Variants in MYCBP2 observed in about 807,000 individuals in gnomAD.
MYCBP2 encodes the protein E3 ubiquitin-protein ligase MYCBP2.
Under a neutral mutation model 525.3 loss-of-function variants are expected in MYCBP2, and 120 were observed. That is an observed-to-expected ratio of 0.23 (90% confidence interval 0.20 to 0.27). MYCBP2 has a LOEUF of 0.27. MYCBP2 is among the 10% of genes least tolerant of loss of function. MYCBP2 has a pLI of 1.00. For missense variants in MYCBP2, 4,149 were observed against 5,657.1 expected (o/e 0.73, Z 8.55); for synonymous variants, 1,894 against 1,955.8 (o/e 0.97, Z 0.83).
At position 77,121,511 on chromosome 13, in the gene MYCBP2, T is replaced by C. The variant is rs1224504429; in HGVS notation, c.8018-16A>G. The stretch of plus-strand genomic sequence containing the variant: ...AGAGCTTGTTCTACAATAAAAGCCA[T>C]AGCTGTAACATTAGTTTCTTACGTG... On this transcript the variant is annotated splice_polypyrimidine_tract_variant and intron_variant, in intron 54 of 82. Transcript: ENST00000544440. The C allele has an allele frequency of 2.6e-6, 4 of 1,548,918 alleles. No homozygotes were observed. Among genetic ancestry groups the C allele is most frequent in the Non-Finnish European group, 1.8e-6 (2 of 1,140,682 alleles).
intron 1 of MYCBP2, among the ~76,000 whole-genome samples, chr13:77,325,827 A>G (rs1259959624): frequency 6.6e-6 from 1 of 152,082 alleles, no homozygotes; most frequent in Admixed American, 6.5e-5. Context: ...AGCTCTAAAA[A>G]TCTCTATCAG....
intron 54 of MYCBP2, among the ~76,000 whole-genome samples, chr13:77,124,823 ATATTT>A (rs1425834688): frequency 6.6e-6 from 1 of 152,216 alleles, no homozygotes; most frequent in East Asian, 1.9e-4. Flanking sequence ...AAAAAGGAAT[ATATTT>A]TATTAAGTGA....
At chr13:77,179,495 G>C (rs900449377) in intron 34 of MYCBP2, among the ~76,000 whole-genome samples, 9 of 152,136 alleles carry the variant, frequency 5.9e-5, no homozygotes, top group Non-Finnish European at 8.8e-5. Flanking sequence ...CACTTTCAAA[G>C]TGATTTTCTC....
chr13:77,097,804 T>C lies in MYCBP2; in HGVS notation c.9350A>G (p.Lys3117Arg), dbSNP rs2046476075. 6.2e-7 allele frequency: 1 copy of C among 1,613,790 alleles called. No individual in the cohort carries two copies. The highest frequency in any genetic ancestry group is 8.5e-7 in the Non-Finnish European group (1 of 1,179,808). ...PDISKMGSIN[K>R]NKVLSMLKEP... The stretch of plus-strand genomic sequence containing the variant: ...CTTAAGCATAGACAATACCTTGTTT[T>C]TGTTGATGCTACCCATCTTAGATAT... The change falls in exon 56 of 83, where the codon AAA becomes AGA. Residue 3117 changes from lysine (K) to arginine (R), a missense_variant. Physicochemically the swap from Lys to Arg is conservative, Grantham distance 26 (BLOSUM62 2). Transcript: ENST00000544440.
intron 55 of MYCBP2, among the ~76,000 whole-genome samples, chr13:77,105,326 C>T (rs1484598028): frequency 6.6e-6 from 1 of 151,950 alleles, no homozygotes. Flanking sequence ...GGCAAAATGG[C>T]CTTCAAGTCT....
chr13:77,271,156 T>TA (rs1289908235), intron 5 of MYCBP2, among the ~76,000 whole-genome samples: 2 of 152,218 alleles, frequency 1.3e-5, no homozygotes, highest in African/African-American at 4.8e-5. Flanking sequence ...ACACATTCTA[T>TA]ATCAAATAAT....
intron 25 of MYCBP2, 21 bp downstream of exon 25, chr13:77,205,452 C>T (rs781726655): frequency 6.2e-7 from 1 of 1,612,000 alleles, no homozygotes; most frequent in Non-Finnish European, 8.5e-7. Context: ...GACAACATTT[C>T]CTAAACCGAA....
rs35429706 is a variant in MYCBP2, at chr13:77,243,965, CAAAAAA to C, written c.2382-20_2382-15del. 2 of 1,190,874 alleles carry C rather than the reference CAAAAAA, an allele frequency of 1.7e-6. No individual in the cohort carries two copies. Among genetic ancestry groups the C allele is most frequent in the Admixed American group, 4.3e-5 (1 of 23,002 alleles). 73.8% of individuals were successfully genotyped at this position (1,190,874 alleles called of 1,614,324 possible). A position where few individuals can be genotyped will look rare whatever the true frequency, so the allele number is the denominator to read the frequency against. On this transcript the variant is annotated splice_polypyrimidine_tract_variant and intron_variant, in intron 15 of 82. Transcript: ENST00000544440. ...CAACCACAGATCCTAGGGGGAAATA[CAAAAAA>C]AAAAAAAAAAGACAACTGAGATATT...
chr13:77,199,413 T>C (rs1242612827), intron 26 of MYCBP2, among the ~76,000 whole-genome samples: 1 of 152,212 alleles, frequency 6.6e-6, no homozygotes, highest in East Asian at 1.9e-4. Flanking sequence ...TCTCGCTGAT[T>C]GCTAGCACAG....
intron 23 of MYCBP2, among the ~76,000 whole-genome samples, chr13:77,209,261 A>G (rs574279639): frequency 6.6e-6 from 1 of 152,348 alleles, no homozygotes; most frequent in Admixed American, 6.5e-5. Context: ...GAGTTCTGTT[A>G]AGACCCCACG....
At chr13:77,289,497 G>A (rs2077246444) in intron 2 of MYCBP2, among the ~76,000 whole-genome samples, 1 of 151,560 alleles carries the variant, frequency 6.6e-6, no homozygotes. Context: ...CAAAAATCCA[G>A]TATCGATTCA....
rs1039252085 is a variant in MYCBP2, at chr13:77,273,579, C to T, written c.838G>A (p.Ala280Thr). 5 of 1,613,726 alleles carry T rather than the reference C, an allele frequency of 3.1e-6. No homozygotes were observed. The highest frequency in any genetic ancestry group is 4.2e-6 in the Non-Finnish European group (5 of 1,179,880). The change falls in exon 5 of 83, where the codon GCT (alanine) becomes ACT (threonine). Residue 280 changes from alanine to threonine, a missense_variant. Ala to Thr is a moderately conservative substitution (Grantham distance 58). Transcript: ENST00000544440. Reference protein sequence around the residue: ...TGQSLTALSCACLFSLVASWG... With the variant: ...TGQSLTALSCTCLFSLVASWG... ...GAAGCCACCAGACTAAAGAGGCAAG[C>T]ACAGGAAAGTGCTGTTAAGGACTGT...
At chr13:77,159,102 T>C (rs1478583501) in intron 44 of MYCBP2, among the ~76,000 whole-genome samples, 4 of 152,228 alleles carry the variant, frequency 2.6e-5, no homozygotes, top group African/African-American at 9.6e-5. Flanking sequence ...TTATACAGTT[T>C]CAAAAATAAT....
At chr13:77,294,131 C>CATATATATATATATATATATAGAT in intron 2 of MYCBP2, among the ~76,000 whole-genome samples, 1 of 65,692 alleles carries the variant, frequency 1.5e-5, no homozygotes, top group Non-Finnish European at 3.0e-5. Flanking sequence ...TATATATATA[C>CATATATATATATATATATATAGAT]ATATATATAT....
intron 48 of MYCBP2, 42 bp downstream of exon 48, chr13:77,146,120 A>T: frequency 1.5e-6 from 2 of 1,343,292 alleles, no homozygotes; most frequent in Non-Finnish European, 2.0e-6. Context: ...CAAGCAGCTG[A>T]CAACACATGT....
At position 77,155,549 on chromosome 13, in the gene MYCBP2, G is replaced by T. The variant is rs1051428722; in HGVS notation, c.6915+509C>A. Among the ~76,000 whole-genome samples the T allele has an allele frequency of 3.3e-5, 5 of 151,898 alleles. 1 individual carries two copies. The highest frequency in any genetic ancestry group is 9.7e-5 in the African/African-American group (4 of 41,346). On this transcript the variant is annotated intron_variant, in intron 46 of 82. Transcript: ENST00000544440. ...TTATTATTAATATTTCAGGTAAGAG[G>T]TATCCTAAAAACTCTATATTCATCA... is the stretch of plus-strand genomic sequence containing the variant.
At position 77,315,243 on chromosome 13, in the gene MYCBP2, A is replaced by T. The variant is rs546597793; in HGVS notation, c.302+11231T>A. 5.7e-4 allele frequency among the ~76,000 whole-genome samples: 87 copies of T among 152,324 alleles called. 1 individual carries two copies. The highest frequency in any genetic ancestry group is 2.1e-3 in the African/African-American group (87 of 41,580). ...AAGAAATAACAACAATCTTACGCAA[A>T]CATTTTAAAAATTGGGTAGGACTGG... is the stretch of plus-strand genomic sequence containing the variant. On this transcript the variant is annotated intron_variant, in intron 1 of 82. Transcript: ENST00000544440.
At chr13:77,052,965 C>CA (rs1328630830) in intron 80 of MYCBP2, among the ~76,000 whole-genome samples, 1 of 151,894 alleles carries the variant, frequency 6.6e-6, no homozygotes, top group Non-Finnish European at 1.5e-5. Context: ...CCATCTCTAT[C>CA]AAAAATACAA....
At chr13:77,117,204 G>C (rs1282894504) in intron 55 of MYCBP2, among the ~76,000 whole-genome samples, 1 of 151,830 alleles carries the variant, frequency 6.6e-6, no homozygotes, top group Non-Finnish European at 1.5e-5. Context: ...AAACTATTTC[G>C]CACATGTGAC....
Sources: gnomAD v4.1 joint callset for allele counts (sites outside exome capture counted in the v4.1 genomes callset) on GRCh38, gnomAD v4.1.1 for gene constraint, MANE v1.5 for transcripts, NCBI Gene and HGNC (gene_info 2026-07-23, HGNC 2026-07-21) for gene names.